Variants in PPP2R1A observed in about 807,000 individuals in gnomAD.
PPP2R1A encodes protein phosphatase 2 scaffold subunit Aalpha.
A neutral mutation model predicts 67.1 loss-of-function variants in PPP2R1A; 15 were observed. That is an observed-to-expected ratio of 0.22 (90% CI 0.15 to 0.34). The LOEUF (loss-of-function observed/expected upper bound fraction) is 0.34, where lower values mean the gene tolerates loss of function less well. Ranked by LOEUF, PPP2R1A falls within the 10% of genes least tolerant of loss-of-function variation. The probability of loss-of-function intolerance (pLI) is 1.00; values close to 1 mark genes in which losing one functional copy is unlikely to be tolerated. For synonymous variants in PPP2R1A, 337 were observed against 325.0 expected (o/e 1.04, Z -0.40); for missense variants, 369 against 775.0 (o/e 0.48, Z 6.22).
chr19:52,223,035 G>A (rs77891912), intron 13 of PPP2R1A, among the ~76,000 whole-genome samples: 6,803 of 152,222 alleles, frequency 0.045, 202 homozygotes, highest in Non-Finnish European at 0.055. Context: ...CAGAGACGAA[G>A]ACTTATGACA....
intron 2 of PPP2R1A, among the ~76,000 whole-genome samples, chr19:52,203,570 G>A (rs2089572883): frequency 6.6e-6 from 1 of 152,048 alleles, no homozygotes; most frequent in African/African-American, 2.4e-5. Context: ...GGAAAACTCT[G>A]TGACTTTCCT....
rs1213369817 is a variant in PPP2R1A, at chr19:52,211,079, T to C, written c.271-181T>C. 6.6e-6 allele frequency among the ~76,000 whole-genome samples: 1 copy of C among 152,182 alleles called. No homozygotes were observed. Among genetic ancestry groups the C allele is most frequent in the Non-Finnish European group, 1.5e-5 (1 of 68,036 alleles). Reference sequence around the variant, plus strand: ...GACCTTCTGCTGGCTGGCATAATATTACGTTTTTCCTTTGAGTCATTCATT... The same window carrying C: ...GACCTTCTGCTGGCTGGCATAATATCACGTTTTTCCTTTGAGTCATTCATT... On this transcript the variant is annotated intron_variant, in intron 3 of 14. Transcript: ENST00000322088. The surrounding 1 kb of genome is among the most constrained non-coding windows in gnomAD (Gnocchi z 5.3).
chr19:52,217,082 C>T (rs1978620903), intron 9 of PPP2R1A, among the ~76,000 whole-genome samples: 1 of 152,036 alleles, frequency 6.6e-6, no homozygotes, highest in Non-Finnish European at 1.5e-5. Context: ...CTCAGCTACT[C>T]GGGCAGCTAA....
intron 13 of PPP2R1A, among the ~76,000 whole-genome samples, chr19:52,224,595 G>A (rs1177449731): frequency 6.6e-6 from 1 of 152,192 alleles, no homozygotes; most frequent in Non-Finnish European, 1.5e-5. Context: ...CTGAGATTCT[G>A]TTCCACTTTC....
Position 52,226,496 on chromosome 19 carries a change from GAGA to G in PPP2R1A, c.*519_*521del, listed in dbSNP as rs1424038507. Reference sequence around the variant, plus strand: ...GCCACAACATCTGCGCTTTTCTCTGGAGAAGATCTTGTTACAGGACCCATTATA... The same window carrying G: ...GCCACAACATCTGCGCTTTTCTCTGGAGATCTTGTTACAGGACCCATTATA... On this transcript the variant is annotated 3_prime_UTR_variant, in exon 15 of 15. Coordinates refer to ENST00000322088, the MANE Select transcript of PPP2R1A (RefSeq NM_014225.6). The G allele has an allele frequency of 1.3e-5, 3 of 236,036 alleles. No individual in the cohort carries two copies. The East Asian group carries it at 1.9e-4, about 15-fold the overall frequency. The allele number at this position is 236,036 out of a possible 1,614,324, so 14.6% of individuals were successfully genotyped here.
chr19:52,219,670 A>C lies in PPP2R1A; in HGVS notation c.1129-21A>C, dbSNP rs752216351. On this transcript the variant is annotated intron_variant, in intron 9 of 14. Coordinates refer to ENST00000322088, the MANE Select transcript of PPP2R1A (RefSeq NM_014225.6). The surrounding 1 kb of genome is among the most constrained non-coding windows in gnomAD (Gnocchi z 4.0). ...GCTGTGTGCATTGCATTCTCTCAGA[A>C]TCCTTCTTTCCTCTCCTCAGTGCCC... The C allele has an allele frequency of 2.5e-6, 4 of 1,597,006 alleles. No homozygotes were observed.
In PPP2R1A at chr19:52,220,964, C is replaced by T. The variant is rs1453805912; in HGVS notation, c.1364-15C>T. ...CCTCCAAATCCCTGTCTCTCTCACC[C>T]TCACCCTTCTGCAGTATATGCCATC... On this transcript the variant is annotated splice_polypyrimidine_tract_variant and intron_variant, in intron 11 of 14. Transcript: ENST00000322088. 1.2e-6 allele frequency: 2 copies of T among 1,613,982 alleles called. No homozygotes were observed. Among genetic ancestry groups the T allele is most frequent in the South Asian group, 1.1e-5 (1 of 91,078 alleles).
intron 1 of PPP2R1A, among the ~76,000 whole-genome samples, chr19:52,191,814 G>T (rs1292593617): frequency 2.0e-5 from 3 of 152,206 alleles, no homozygotes; most frequent in Non-Finnish European, 4.4e-5. Context: ...TGTGAAACAG[G>T]TCAGCAGAGC....
intron 9 of PPP2R1A, among the ~76,000 whole-genome samples, chr19:52,217,699 A>G (rs914058100): frequency 6.6e-6 from 1 of 152,042 alleles, no homozygotes; most frequent in African/African-American, 2.4e-5. Context: ...TCTCTCTCTC[A>G]TAACAGTCTA....
At chr19:52,200,916 C>G (rs984124243) in intron 1 of PPP2R1A, among the ~76,000 whole-genome samples, 2 of 152,172 alleles carry the variant, frequency 1.3e-5, no homozygotes, top group African/African-American at 2.4e-5. Flanking sequence ...ACTACGTCTG[C>G]AAAGACTGTT....
rs756971999 is a variant in PPP2R1A at position 52,225,754 on chromosome 19, C to T, written c.1699C>T (p.Leu567=). The change falls in exon 14 of 15, where the codon CTG becomes TTG. Residue 567 remains leucine (L), a synonymous_variant. Transcript: ENST00000322088. ...TGAAGTCAAGCCCATCCTAGAGAAG[C>T]TGACCCAGGACCAGGATGTGGACGT... ...QSEVKPILEK[L]TQDQDVDVKY... is the part of the protein sequence containing the mutation. 30 of 1,614,102 alleles carry T rather than the reference C, an allele frequency of 1.9e-5. No homozygotes were observed. The Middle Eastern group carries it at 4.9e-4, about 27-fold the overall frequency.
chr19:52,192,074 T>C (rs902202591), intron 1 of PPP2R1A, among the ~76,000 whole-genome samples: 2 of 151,950 alleles, frequency 1.3e-5, no homozygotes, highest in Non-Finnish European at 2.9e-5. Context: ...ATGGGGTATA[T>C]ATAGGGCATG....
intron 2 of PPP2R1A, among the ~76,000 whole-genome samples, chr19:52,204,751 T>C (rs2089585359): frequency 6.6e-6 from 1 of 152,152 alleles, no homozygotes; most frequent in Non-Finnish European, 1.5e-5. Context: ...TGGAGTCACA[T>C]TGGCGAGAAT....
At chr19:52,220,830 C>G in intron 11 of PPP2R1A, 149 bp from the exon 12 acceptor site, 1 of 860,256 alleles carries the variant, frequency 1.2e-6, no homozygotes, top group South Asian at 1.7e-5. Flanking sequence ...AGATATAGCA[C>G]ATAGTAAGTC....
chr19:52,220,896 C>T (rs1978880378), intron 11 of PPP2R1A, 83 bp from the exon 12 acceptor site: 1 of 1,508,308 alleles, frequency 6.6e-7, no homozygotes, highest in South Asian at 1.2e-5. Flanking sequence ...GCTTTGTAAG[C>T]CATGGTGAGT....
intron 1 of PPP2R1A, among the ~76,000 whole-genome samples, chr19:52,199,023 C>T (rs977752408): frequency 2.0e-5 from 3 of 152,222 alleles, no homozygotes; most frequent in Non-Finnish European, 1.5e-5. Context: ...GGCTGTTGCT[C>T]ACCTAGTATG....
chr19:52,214,692 C>T (rs1453201675), intron 6 of PPP2R1A, among the ~76,000 whole-genome samples: 1 of 151,818 alleles, frequency 6.6e-6, no homozygotes, highest in Non-Finnish European at 1.5e-5. Flanking sequence ...CTTTCCATGC[C>T]TGGTGCCATG....
intron 2 of PPP2R1A, 43 bp from the exon 3 acceptor site, chr19:52,205,920 G>C: frequency 2.0e-6 from 3 of 1,532,154 alleles, no homozygotes; most frequent in Non-Finnish European, 2.7e-6. Context: ...GCTGGGGTCA[G>C]AGTTGAGATG....
At position 52,221,570 on chromosome 19, in the gene PPP2R1A, AAAT is replaced by A. The variant is rs1250499592; in HGVS notation, c.1518+441_1518+443del. On this transcript the variant is annotated intron_variant, in intron 12 of 14. Transcript: ENST00000322088. ...CCGATGCTTTGGTCTTCTCATTTGT[AAAT>A]AATTCATACTGTAAAGAATTCATAC... Among the ~76,000 whole-genome samples, 10 of 152,242 alleles carry A rather than the reference AAAT, an allele frequency of 6.6e-5. No individual in the cohort carries two copies. The East Asian group carries it at 1.7e-3, about 26-fold the overall frequency.
Sources: gnomAD v4.1 joint callset for allele counts (sites outside exome capture counted in the v4.1 genomes callset) on GRCh38, gnomAD v4.1.1 for gene constraint, Gnocchi (gnomAD v3.1) non-coding constraint, MANE v1.5 for transcripts, NCBI Gene and HGNC (gene_info 2026-07-23, HGNC 2026-07-21) for gene names.